The following CHRNA7 variants were observed in gnomAD, a reference collection of about 807,000 sequenced individuals.
The protein encoded by CHRNA7 is neuronal acetylcholine receptor subunit alpha-7.
CHRNA7 carries 17 observed loss-of-function variants against 48.0 expected under a neutral mutation model. That is an observed-to-expected ratio of 0.35 (90% CI 0.24 to 0.53). CHRNA7 has a LOEUF of 0.53. Ranked by LOEUF, CHRNA7 falls within the 20% of genes least tolerant of loss-of-function variation. The pLI is 0.92. For missense variants in CHRNA7, 155 were observed against 577.7 expected (o/e 0.27, Z 7.50); for synonymous variants, 75 against 242.3 (o/e 0.31, Z 6.41).
At chr15:32,147,096 C>A (rs183976506) in intron 4 of CHRNA7, among the ~76,000 whole-genome samples, 1 of 152,180 alleles carries the variant, frequency 6.6e-6, no homozygotes, top group Non-Finnish European at 1.5e-5. Flanking sequence ...TGCTGTAATC[C>A]GTCCTATGCC....
In CHRNA7 at chr15:32,113,196, G is replaced by A. The variant is rs1014308169; in HGVS notation, c.350+1297G>A. 2.6e-5 allele frequency among the ~76,000 whole-genome samples: 4 copies of A among 152,256 alleles called. No homozygotes were observed. In the South Asian group the frequency reaches 6.2e-4, roughly 24 times the overall value. On this transcript the variant is annotated intron_variant, in intron 4 of 9. Transcript: ENST00000306901. Reference sequence around the variant, plus strand: ...GGTGTTGTCAGGACTGGCTTCTTCTGAGCCTCTCTCCTTGGCTGGTAGATG... The same window carrying A: ...GGTGTTGTCAGGACTGGCTTCTTCTAAGCCTCTCTCCTTGGCTGGTAGATG...
At chr15:32,098,913 T>A (rs2050522868) in intron 2 of CHRNA7, 1 of 57,568 alleles carries the variant, frequency 1.7e-5, no homozygotes, top group Non-Finnish European at 3.3e-5. Flanking sequence ...CACACACTTT[T>A]TATTCTAGGA....
intron 3 of CHRNA7, among the ~76,000 whole-genome samples, chr15:32,104,175 C>A (rs77265698): frequency 0.023 from 3,493 of 152,114 alleles, 124 homozygotes; most frequent in African/African-American, 0.081. Flanking sequence ...TCCCTCCTTG[C>A]CTGGCTCCTT....
intron 2 of CHRNA7, among the ~76,000 whole-genome samples, chr15:32,044,952 C>T (rs16956147): frequency 0.035 from 5,314 of 152,284 alleles, 134 homozygotes; most frequent in Middle Eastern, 0.1. Flanking sequence ...ATGCTTCATC[C>T]GGTCCGTTTT....
At chr15:32,091,487 T>A (rs2141246439) in intron 2 of CHRNA7, among the ~76,000 whole-genome samples, 1 of 152,314 alleles carries the variant, frequency 6.6e-6, no homozygotes, top group African/African-American at 2.4e-5. Context: ...TGTGAATTGG[T>A]TACATTTGAA....
rs548445520 is a variant in CHRNA7, at chr15:32,050,041, G to A, written c.195+19004G>A. Among the ~76,000 whole-genome samples, 7 of 152,284 alleles carry A rather than the reference G, an allele frequency of 4.6e-5. No individual in the cohort carries two copies. In the South Asian group the frequency reaches 8.3e-4, roughly 18 times the overall value. ...CTGTTAGTCTGATGGGTTTCCCTTT[G>A]TGGGTAACCCGACCTTTCTCTCTGG... On this transcript the variant is annotated intron_variant, in intron 2 of 9. Transcript: ENST00000306901.
intron 2 of CHRNA7, among the ~76,000 whole-genome samples, chr15:32,031,613 C>T (rs1595365548): frequency 1.3e-5 from 2 of 152,288 alleles, no homozygotes; most frequent in Non-Finnish European, 2.9e-5. Flanking sequence ...GGGAGTCCTG[C>T]TCCGAGGACT....
chr15:32,114,081 T>TATATATATATATATATAC (rs1566849072), intron 4 of CHRNA7, among the ~76,000 whole-genome samples: 3 of 125,118 alleles, frequency 2.4e-5, no homozygotes, highest in Non-Finnish European at 5.0e-5. Flanking sequence ...TATATACACA[T>TATATATATATATATATAC]ACATACATAC....
At chr15:32,076,423 T>C (rs1366893335) in intron 2 of CHRNA7, among the ~76,000 whole-genome samples, 1 of 152,208 alleles carries the variant, frequency 6.6e-6, no homozygotes, top group East Asian at 1.9e-4. Context: ...TCCCTATCTA[T>C]GGTAATTTTC....
At position 32,114,002 on chromosome 15, in the gene CHRNA7, G is replaced by A. The variant is rs1344452624; in HGVS notation, c.350+2103G>A. The stretch of plus-strand genomic sequence containing the variant: ...ACTGCTTGCCATCCTGGGTGACAGA[G>A]TGAGATGCTATCTCCAAATATATAT... On this transcript the variant is annotated intron_variant, in intron 4 of 9. Transcript: ENST00000306901. Among the ~76,000 whole-genome samples, 11 of 142,622 alleles carry A rather than the reference G, an allele frequency of 7.7e-5. No homozygotes were observed. In the Admixed American group the frequency reaches 7.8e-4, roughly 10 times the overall value. The allele number at this position is 142,622 out of a possible 152,430, so 93.6% of individuals were successfully genotyped here. A position where few individuals can be genotyped will look rare whatever the true frequency, so the allele number is the denominator to read the frequency against.
intron 2 of CHRNA7, among the ~76,000 whole-genome samples, chr15:32,060,262 G>T (rs111855181): frequency 6.6e-6 from 1 of 152,118 alleles, no homozygotes; most frequent in African/African-American, 2.4e-5. Flanking sequence ...GGTAGAAAAA[G>T]CAGAGAAGAA....
chr15:32,049,343 A>C, intron 2 of CHRNA7, among the ~76,000 whole-genome samples: 1 of 152,008 alleles, frequency 6.6e-6, no homozygotes, highest in African/African-American at 2.4e-5. Flanking sequence ...TATTGGGTGC[A>C]TATATATTTA....
chr15:32,059,956 A>G (rs2049852152), intron 2 of CHRNA7, among the ~76,000 whole-genome samples: 1 of 148,886 alleles, frequency 6.7e-6, no homozygotes, highest in Admixed American at 6.7e-5. Context: ...AAAAAAAAAA[A>G]AAAAAAAAAA....
At chr15:32,121,667 G>C (rs1427485334) in intron 4 of CHRNA7, among the ~76,000 whole-genome samples, 3 of 152,196 alleles carry the variant, frequency 2.0e-5, no homozygotes, top group African/African-American at 7.2e-5. Flanking sequence ...CATACGTCTT[G>C]GTCTGTCTGG....
At chr15:32,093,656 C>T (rs959728760) in intron 2 of CHRNA7, among the ~76,000 whole-genome samples, 1 of 152,194 alleles carries the variant, frequency 6.6e-6, no homozygotes, top group Non-Finnish European at 1.5e-5. Flanking sequence ...CCACCTGCCT[C>T]TGTTCACCTG....
At chr15:32,071,965 G>A (rs960105833) in intron 2 of CHRNA7, among the ~76,000 whole-genome samples, 6 of 152,124 alleles carry the variant, frequency 3.9e-5, no homozygotes, top group African/African-American at 1.4e-4. Context: ...TTTGGAACTG[G>A]GTATGGGCAG....
rs149776619 is a variant in CHRNA7 at position 32,096,097 on chromosome 15, G to A, written c.196-5206G>A. On this transcript the variant is annotated intron_variant, in intron 2 of 9. Transcript: ENST00000306901. The stretch of plus-strand genomic sequence containing the variant: ...AGAGACATATAAAATTAAATTTGGG[G>A]GGTCTCCCATAATCTCCATTATTAA... Among the ~76,000 whole-genome samples, 277 of 152,262 alleles carry A rather than the reference G, an allele frequency of 1.8e-3. 1 individual carries two copies. The highest frequency in any genetic ancestry group is 6.3e-3 in the African/African-American group (261 of 41,554).
intron 2 of CHRNA7, among the ~76,000 whole-genome samples, chr15:32,041,682 A>G (rs1383130212): frequency 1.3e-5 from 2 of 152,162 alleles, no homozygotes; most frequent in African/African-American, 2.4e-5. Context: ...TGGATATTCT[A>G]TTCTGTTGTT....
At chr15:32,076,752 C>T (rs902401860) in intron 2 of CHRNA7, among the ~76,000 whole-genome samples, 6 of 152,066 alleles carry the variant, frequency 3.9e-5, no homozygotes, top group Admixed American at 6.6e-5. Context: ...TACATTGTTA[C>T]GATTGACAAA....
Sources: allele counts gnomAD v4.1 joint callset (sites outside exome capture counted in the v4.1 genomes callset), GRCh38; gene constraint gnomAD v4.1.1; transcripts MANE v1.5; gene names NCBI Gene and HGNC (gene_info 2026-07-23, HGNC 2026-07-21).